LRFN2: variants seen among roughly 807,000 people sequenced by gnomAD.
The protein encoded by LRFN2 is leucine-rich repeat and fibronectin type-III domain-containing protein 2.
A neutral mutation model predicts 37.3 loss-of-function variants in LRFN2; 18 were observed. The ratio of observed to expected loss-of-function variants is 0.48; its 90% CI spans 0.33 to 0.72. The LOEUF (loss-of-function observed/expected upper bound fraction) is 0.72. Ranked by LOEUF, LRFN2 falls within the 30% of genes least tolerant of loss-of-function variation. The probability of loss-of-function intolerance (pLI) is 0.02; values close to 1 mark genes in which losing one functional copy is unlikely to be tolerated. For synonymous variants in LRFN2, 556 were observed against 466.6 expected, an observed-to-expected ratio of 1.19 and a Z score of -2.47; for missense variants, 1,006 against 1,060.7, an observed-to-expected ratio of 0.95 and a Z score of 0.72.
At chr6:40,512,702 T>A (rs1319678208) in intron 1 of LRFN2, among the ~76,000 whole-genome samples, 1 of 152,146 alleles carries the variant, frequency 6.6e-6, no homozygotes, top group Non-Finnish European at 1.5e-5. Flanking sequence ...GCACCATAGA[T>A]CCCTGGATCC....
intron 1 of LRFN2, among the ~76,000 whole-genome samples, chr6:40,473,434 G>A (rs1335627380): frequency 2.6e-5 from 4 of 152,128 alleles, no homozygotes; most frequent in Admixed American, 6.5e-5. Context: ...CCAGGCCTCC[G>A]TTTCCACTCC....
At chr6:40,579,602 G>A (rs1471781465) in intron 1 of LRFN2, among the ~76,000 whole-genome samples, 4 of 129,504 alleles carry the variant, frequency 3.1e-5, no homozygotes, top group East Asian at 2.0e-4. Flanking sequence ...CAACACACAC[G>A]AACACACACA....
At chr6:40,493,616 G>A (rs1765148666) in intron 1 of LRFN2, among the ~76,000 whole-genome samples, 1 of 152,184 alleles carries the variant, frequency 6.6e-6, no homozygotes, top group Non-Finnish European at 1.5e-5. Flanking sequence ...ACCTCCAGAA[G>A]CCCCAGCTCT....
chr6:40,536,029 G>T (rs529590070), intron 1 of LRFN2, among the ~76,000 whole-genome samples: 4 of 152,240 alleles, frequency 2.6e-5, no homozygotes, highest in Non-Finnish European at 5.9e-5. Context: ...CAGGTGGGGA[G>T]ATGGAAATAA....
At chr6:40,537,342 G>A (rs1397908094) in intron 1 of LRFN2, among the ~76,000 whole-genome samples, 1 of 152,126 alleles carries the variant, frequency 6.6e-6, no homozygotes, top group African/African-American at 2.4e-5. Context: ...CATTTCCTAG[G>A]CACATATCCC....
chr6:40,562,975 C>T (rs1049810288), intron 1 of LRFN2, among the ~76,000 whole-genome samples: 17 of 151,930 alleles, frequency 1.1e-4, no homozygotes, highest in Non-Finnish European at 2.1e-4. Flanking sequence ...GTGTGGGGGT[C>T]AGTTTGTGTG....
intron 1 of LRFN2, among the ~76,000 whole-genome samples, chr6:40,563,790 T>A (rs998359656): frequency 1.3e-5 from 2 of 152,290 alleles, no homozygotes; most frequent in Middle Eastern, 3.4e-3. Flanking sequence ...TCCAGCCCTG[T>A]CATCAAGGTC....
At chr6:40,521,372 C>T (rs77658803) in intron 1 of LRFN2, among the ~76,000 whole-genome samples, 9,837 of 152,210 alleles carry the variant, frequency 0.065, 433 homozygotes, top group Middle Eastern at 0.13. Context: ...AGGCTGGGGG[C>T]TGGAGGAGCC....
chr6:40,569,297 G>T (rs1390528367), intron 1 of LRFN2, among the ~76,000 whole-genome samples: 1 of 152,210 alleles, frequency 6.6e-6, no homozygotes, highest in Non-Finnish European at 1.5e-5. Flanking sequence ...AACCAAGGGA[G>T]AGTTGGTACA....
intron 1 of LRFN2, among the ~76,000 whole-genome samples, chr6:40,445,062 G>C (rs1470862049): frequency 1.3e-5 from 2 of 152,042 alleles, no homozygotes; most frequent in Non-Finnish European, 2.9e-5. Context: ...ATTCAGTTAG[G>C]CTTCTGTCAA....
At chr6:40,504,436 C>A (rs1283062441) in intron 1 of LRFN2, among the ~76,000 whole-genome samples, 1 of 152,190 alleles carries the variant, frequency 6.6e-6, no homozygotes, top group Non-Finnish European at 1.5e-5. Context: ...CTAACCAATC[C>A]TCCGGTCACA....
At chr6:40,433,269 T>G (rs1763560709) in intron 1 of LRFN2, 138 bp from the exon 2 acceptor site, 410 of 584,378 alleles carry the variant, frequency 7.0e-4, no homozygotes, top group East Asian at 1.2e-3. Flanking sequence ...ACCTAATCTC[T>G]TCCATGAATC....
intron 1 of LRFN2, among the ~76,000 whole-genome samples, chr6:40,470,217 G>A (rs1764561826): frequency 1.3e-5 from 2 of 152,192 alleles, no homozygotes; most frequent in South Asian, 4.2e-4. Context: ...CATGGGCTGG[G>A]TGCATCTGAG....
intron 1 of LRFN2, among the ~76,000 whole-genome samples, chr6:40,436,198 C>T (rs1269266133): frequency 6.6e-6 from 1 of 151,838 alleles, no homozygotes; most frequent in African/African-American, 2.4e-5. Context: ...CGTATTTTAC[C>T]CTCAGAGCAC....
chr6:40,524,740 G>A (rs1010241982), intron 1 of LRFN2, among the ~76,000 whole-genome samples: 2 of 152,178 alleles, frequency 1.3e-5, no homozygotes, highest in African/African-American at 4.8e-5. Context: ...CCCTCCAGGT[G>A]CCCTGAAATC....
chr6:40,467,586 C>T (rs1394192908), intron 1 of LRFN2, among the ~76,000 whole-genome samples: 1 of 152,116 alleles, frequency 6.6e-6, no homozygotes. Flanking sequence ...CTATCTGCAA[C>T]CTGAATGGTA....
intron 1 of LRFN2, among the ~76,000 whole-genome samples, chr6:40,437,376 C>T (rs935846465): frequency 4.6e-5 from 7 of 152,096 alleles, no homozygotes; most frequent in Non-Finnish European, 8.8e-5. Flanking sequence ...ACAGCAATGG[C>T]AACAGCAAGC....
In LRFN2 at chr6:40,392,278, G is replaced by A. The variant is rs1320094731; in HGVS notation, c.2035C>T (p.Pro679Ser). The A allele has an allele frequency of 2.5e-6, 4 of 1,603,026 alleles. No individual in the cohort carries two copies. The highest frequency in any genetic ancestry group is 3.4e-6 in the Non-Finnish European group (4 of 1,175,780). Residue 679 changes from proline to serine, a missense_variant, in exon 3 of 3, where the codon CCA (proline) becomes TCA (serine). By Grantham distance (74) the Pro-to-Ser change is moderately conservative (BLOSUM62 -1). This residue lies in a region of LRFN2 where 398 missense variants were observed against 327.6 expected (regional missense o/e 1.21). Transcript: ENST00000338305. The surrounding 1 kb of genome is among the most constrained non-coding windows in gnomAD (Gnocchi z 4.7). ...RKEELLDSRT[P>S]AGRGAGTSAR... ...GACGTCCCAGCCCCTCTCCCGGCTG[G>A]AGTCCTGGAGTCCAGCAGCTCCTCC...
intron 1 of LRFN2, among the ~76,000 whole-genome samples, chr6:40,527,539 G>A (rs1376207133): frequency 6.6e-6 from 1 of 152,190 alleles, no homozygotes; most frequent in East Asian, 1.9e-4. Context: ...AGTCATGGAA[G>A]GAAGAGACCT....
Sources: gnomAD v4.1 joint callset for allele counts (sites outside exome capture counted in the v4.1 genomes callset) on GRCh38, gnomAD v4.1.1 for gene constraint, gnomAD v4.1.1 regional missense constraint, Gnocchi (gnomAD v3.1) non-coding constraint, MANE v1.5 for transcripts, NCBI Gene and HGNC (gene_info 2026-07-23, HGNC 2026-07-21) for gene names.